Variants in CCDC38 observed in about 807,000 individuals in gnomAD.
CCDC38 encodes the protein coiled-coil domain-containing protein 38.
A neutral mutation model predicts 72.8 loss-of-function variants in CCDC38; 69 were observed. The observed-to-expected ratio is 0.95, with a 90% confidence interval of 0.78 to 1.16. The LOEUF is 1.16. Ranked by LOEUF, CCDC38 falls within the 50% of genes most tolerant of loss-of-function variation. The pLI, the probability that CCDC38 is intolerant of heterozygous loss-of-function variation, is 0.00. For missense variants in CCDC38, 626 were observed against 638.9 expected (o/e 0.98, Z 0.22); for synonymous variants, 201 against 213.2 (o/e 0.94, Z 0.50).
chr12:95,916,383 T>TG (rs2080144351), intron 4 of CCDC38, among the ~76,000 whole-genome samples: 2 of 82,270 alleles, frequency 2.4e-5, no homozygotes, highest in Non-Finnish European at 3.5e-5. Flanking sequence ...CTGCCTGCCT[T>TG]CCTTCCTTCC....
At chr12:95,933,134 TA>T in intron 2 of CCDC38, 1 of 152,310 alleles carries the variant, frequency 6.6e-6, no homozygotes, top group Non-Finnish European at 1.5e-5. Flanking sequence ...AGGCCTTTGC[TA>T]GGGAAAGATT....
At chr12:95,869,998 A>G (rs1435641417) in intron 14 of CCDC38, among the ~76,000 whole-genome samples, 1 of 151,968 alleles carries the variant, frequency 6.6e-6, no homozygotes, top group African/African-American at 2.4e-5. Context: ...TAATTTTTGT[A>G]TTTTTAGTAG....
At position 95,878,295 on chromosome 12, in the gene CCDC38, GTTAGCT is replaced by G. The variant is rs2079658284; in HGVS notation, c.1188_1193del (p.Lys396_Ala397del). ...CTGCTTTCTCTTCTTCTCTCACACA[GTTAGCT>G]TTAAGCATTTTTTCTTGCTCCAAAA... On this transcript the variant is annotated inframe_deletion, in exon 13 of 16. Coordinates refer to ENST00000344280, the MANE Select transcript of CCDC38 (RefSeq NM_182496.3). 1 of 1,613,354 alleles carries G rather than the reference GTTAGCT, an allele frequency of 6.2e-7. No individual in the cohort carries two copies. Among genetic ancestry groups the G allele is most frequent in the Middle Eastern group, 1.6e-4 (1 of 6,080 alleles).
intron 4 of CCDC38, among the ~76,000 whole-genome samples, chr12:95,915,567 C>T (rs898018577): frequency 3.3e-5 from 5 of 152,176 alleles, no homozygotes; most frequent in Admixed American, 2.0e-4. Context: ...AACCTCCCAG[C>T]GTGTGGTTGC....
chr12:95,919,525 C>T (rs1365373390), intron 2 of CCDC38: 1 of 456,030 alleles, frequency 2.2e-6, no homozygotes, highest in Non-Finnish European at 4.4e-6. Context: ...GTTTAGTTTG[C>T]TTTAACAGTA....
intron 4 of CCDC38, among the ~76,000 whole-genome samples, chr12:95,907,036 T>C (rs969239443): frequency 6.6e-6 from 1 of 151,754 alleles, no homozygotes; most frequent in African/African-American, 2.4e-5. Context: ...TTAACGAGCA[T>C]GCTGCCTTCA....
In CCDC38 at chr12:95,898,623, C is replaced by G. The variant is rs770703370; in HGVS notation, c.478G>C (p.Ala160Pro). Residue 160 changes from alanine to proline, a missense_variant, in exon 6 of 16, where the codon GCC becomes CCC. By Grantham distance (27) the Ala-to-Pro change is conservative (BLOSUM62 -1). Coordinates refer to ENST00000344280, the MANE Select transcript of CCDC38 (RefSeq NM_182496.3). ...TTTTCTCGAAGGAACTCTTCAAAGG[C>G]CAGTGCATCATCTTGGAGCTTTTTC... ...AEKKLQDDAL[A>P]FEEFLRENDQ... 3 of 1,614,196 alleles carry G rather than the reference C, an allele frequency of 1.9e-6. No homozygotes were observed. Among genetic ancestry groups the G allele is most frequent in the Non-Finnish European group, 2.5e-6 (3 of 1,180,022 alleles).
chr12:95,867,316 C>G (rs1223473695), intron 15 of CCDC38, 127 bp from the exon 16 acceptor site: 6 of 639,234 alleles, frequency 9.4e-6, no homozygotes, highest in African/African-American at 5.6e-5. Context: ...ATTAACTAAT[C>G]ACAGTTAAAA....
At chr12:95,884,512 T>C (rs2079735825) in intron 10 of CCDC38, among the ~76,000 whole-genome samples, 1 of 152,256 alleles carries the variant, frequency 6.6e-6, no homozygotes, top group East Asian at 1.9e-4. Flanking sequence ...CAAATTGATA[T>C]ACAGGTTTGT....
At chr12:95,933,054 T>C (rs2080354901) in intron 2 of CCDC38, 1 of 152,120 alleles carries the variant, frequency 6.6e-6, no homozygotes, top group Non-Finnish European at 1.5e-5. Flanking sequence ...TAACTACAGA[T>C]GAAATAAGGA....
In CCDC38 at chr12:95,895,150, C is replaced by T; in HGVS notation, c.615-4G>A. 6.3e-7 allele frequency: 1 copy of T among 1,596,502 alleles called. No individual in the cohort carries two copies. Among genetic ancestry groups the T allele is most frequent in the South Asian group, 1.1e-5 (1 of 87,116 alleles). ...GAATTCTGTTTTTGCTATTTCACTA[C>T]TCAAAAGAAACAAAGATATGATTAG... On this transcript the variant is annotated splice_polypyrimidine_tract_variant and splice_region_variant and intron_variant, in intron 7 of 15. Coordinates refer to ENST00000344280, the MANE Select transcript of CCDC38 (RefSeq NM_182496.3).
intron 1 of CCDC38, among the ~76,000 whole-genome samples, chr12:95,941,447 C>G (rs2080449423): frequency 6.6e-6 from 1 of 152,152 alleles, no homozygotes; most frequent in Non-Finnish European, 1.5e-5. Flanking sequence ...ACAGCTCTCC[C>G]TATGATGAGG....
At chr12:95,882,253 C>A (rs1206562807) in intron 10 of CCDC38, among the ~76,000 whole-genome samples, 3 of 151,968 alleles carry the variant, frequency 2.0e-5, no homozygotes, top group African/African-American at 7.3e-5. Flanking sequence ...GTGATGATGG[C>A]AACGATGAGT....
intron 5 of CCDC38, among the ~76,000 whole-genome samples, chr12:95,900,351 G>A (rs1185271359): frequency 6.6e-6 from 1 of 152,130 alleles, no homozygotes; most frequent in African/African-American, 2.4e-5. Context: ...CAAAATCACA[G>A]GATAGTGGCA....
At chr12:95,940,875 AAAAC>A (rs200693556) in intron 1 of CCDC38, among the ~76,000 whole-genome samples, 63 of 85,872 alleles carry the variant, frequency 7.3e-4, no homozygotes, top group African/African-American at 2.5e-3. Flanking sequence ...GAAGTGAAAA[AAAAC>A]AAACAAACAA....
Position 95,867,049 on chromosome 12 carries a change from G to T in CCDC38, c.*27C>A. 1 of 1,201,534 alleles carries T rather than the reference G, an allele frequency of 8.3e-7. No individual in the cohort carries two copies. The highest frequency in any genetic ancestry group is 1.3e-5 in the South Asian group (1 of 79,186). The allele number at this position is 1,201,534 out of a possible 1,614,324, so 74.4% of individuals were successfully genotyped here. On this transcript the variant is annotated 3_prime_UTR_variant, in exon 16 of 16. Transcript: ENST00000344280. ...TTACAAAATACACCTAAGACATTCT[G>T]GTAATAAAATGTCTTACTGCTTTTA...
Position 95,872,817 on chromosome 12 carries a change from G to A in CCDC38, c.1279-357C>T, listed in dbSNP as rs577388319. Among the ~76,000 whole-genome samples the A allele has an allele frequency of 7.7e-4, 117 of 152,294 alleles. 1 individual carries two copies. The highest frequency in any genetic ancestry group is 2.7e-3 in the Admixed American group (42 of 15,298). On this transcript the variant is annotated intron_variant, in intron 13 of 15. Coordinates refer to ENST00000344280, the MANE Select transcript of CCDC38 (RefSeq NM_182496.3). ...CTTGAATTCCGGACCTCAGGTGATC[G>A]AGCTGCCTCGGCCACAGGCATCAGC... is the stretch of plus-strand genomic sequence containing the variant.
At chr12:95,892,256 C>A (rs1039944095) in intron 8 of CCDC38, among the ~76,000 whole-genome samples, 3 of 150,556 alleles carry the variant, frequency 2.0e-5, no homozygotes, top group African/African-American at 7.4e-5. Flanking sequence ...TGATTTGTGA[C>A]CCCGCTTTCA....
In CCDC38 at chr12:95,916,055, T is replaced by C. The variant is rs139078983; in HGVS notation, c.304+1074A>G. ...TCTTTCTAAAACATATCACATGTAA[T>C]TGTAAATGCTCTTGATGACCTAAGG... On this transcript the variant is annotated intron_variant, in intron 4 of 15. Coordinates refer to ENST00000344280, the MANE Select transcript of CCDC38 (RefSeq NM_182496.3). Among the ~76,000 whole-genome samples, 736 of 151,806 alleles carry C rather than the reference T, an allele frequency of 4.8e-3. 3 individuals are homozygous for C. Among genetic ancestry groups the C allele is most frequent in the Middle Eastern group, 0.014 (4 of 294 alleles).
Sources: allele counts gnomAD v4.1 joint callset (sites outside exome capture counted in the v4.1 genomes callset), GRCh38; gene constraint gnomAD v4.1.1; transcripts MANE v1.5; gene names NCBI Gene and HGNC (gene_info 2026-07-23, HGNC 2026-07-21).